The following LRMDA variants were observed in gnomAD, a reference collection of about 807,000 sequenced individuals.
LRMDA encodes leucine-rich melanocyte differentiation-associated protein.
LRMDA carries 18 observed loss-of-function variants against 29.8 expected under a neutral mutation model. That is an observed-to-expected ratio of 0.60 (90% CI 0.42 to 0.90). The LOEUF is 0.90. LRMDA is among the 40% of genes least tolerant of loss of function. The pLI, the probability that LRMDA is intolerant of heterozygous loss-of-function variation, is 0.00. For missense variants in LRMDA, 273 were observed against 273.9 expected (o/e 1.00, Z 0.02); for synonymous variants, 125 against 109.4 (o/e 1.14, Z -0.89).
At chr10:76,184,220 G>A (rs762608712) in intron 5 of LRMDA, among the ~76,000 whole-genome samples, 31 of 151,800 alleles carry the variant, frequency 2.0e-4, no homozygotes, top group Non-Finnish European at 4.3e-4. Flanking sequence ...TAGTAGAGAC[G>A]GGGTTTCACC....
chr10:75,928,732 CA>C (rs1846160642), intron 2 of LRMDA, among the ~76,000 whole-genome samples: 2 of 152,124 alleles, frequency 1.3e-5, no homozygotes, highest in African/African-American at 4.8e-5. Flanking sequence ...TTTCCTGACA[CA>C]AACCACTCAT....
At chr10:76,217,248 T>C (rs1342323580) in intron 5 of LRMDA, among the ~76,000 whole-genome samples, 1 of 152,174 alleles carries the variant, frequency 6.6e-6, no homozygotes, top group Non-Finnish European at 1.5e-5. Context: ...TCAACTGCAA[T>C]ATAGTGACAT....
intron 5 of LRMDA, among the ~76,000 whole-genome samples, chr10:76,237,743 C>A (rs1021843125): frequency 4.1e-5 from 6 of 147,470 alleles, no homozygotes; most frequent in African/African-American, 1.5e-4. Context: ...CCTGTGATTG[C>A]AACCTAAATT....
chr10:75,506,610 C>T (rs1013700516), intron 2 of LRMDA, among the ~76,000 whole-genome samples: 7 of 152,160 alleles, frequency 4.6e-5, no homozygotes, highest in African/African-American at 1.7e-4. Context: ...TCATGGTCCC[C>T]AATTGGGTTG....
intron 2 of LRMDA, among the ~76,000 whole-genome samples, chr10:75,829,997 C>T (rs1008021163): frequency 1.6e-4 from 24 of 152,208 alleles, no homozygotes; most frequent in African/African-American, 5.1e-4. Flanking sequence ...TCCACCTCCT[C>T]TCATCATAGA....
At chr10:76,406,625 A>C (rs1199110721) in intron 6 of LRMDA, among the ~76,000 whole-genome samples, 4 of 152,058 alleles carry the variant, frequency 2.6e-5, no homozygotes, top group Non-Finnish European at 4.4e-5. Flanking sequence ...CTGTCATGGG[A>C]GTAGAGTTGG....
intron 2 of LRMDA, among the ~76,000 whole-genome samples, chr10:75,448,619 G>A (rs1243797219): frequency 6.6e-6 from 1 of 152,204 alleles, no homozygotes; most frequent in Non-Finnish European, 1.5e-5. Context: ...AGTGGGTGAG[G>A]CCAGGGATGG....
chr10:75,539,742 G>A (rs544458446), intron 2 of LRMDA, among the ~76,000 whole-genome samples: 1 of 152,032 alleles, frequency 6.6e-6, no homozygotes, highest in East Asian at 1.9e-4. Context: ...ATAAATGGCT[G>A]TTTTTTTGTT....
chr10:75,842,238 A>G (rs1255991013), intron 2 of LRMDA, among the ~76,000 whole-genome samples: 1 of 152,224 alleles, frequency 6.6e-6, no homozygotes, highest in Non-Finnish European at 1.5e-5. Flanking sequence ...TTCAAATATG[A>G]GTGTCCATAA....
chr10:76,099,607 T>C (rs1316059577), intron 5 of LRMDA, among the ~76,000 whole-genome samples: 1 of 151,384 alleles, frequency 6.6e-6, no homozygotes, highest in Non-Finnish European at 1.5e-5. Context: ...TCAATTAAAA[T>C]ATATTTTCCA....
At chr10:76,142,406 T>C (rs1013308998) in intron 5 of LRMDA, among the ~76,000 whole-genome samples, 2 of 152,136 alleles carry the variant, frequency 1.3e-5, no homozygotes, top group Admixed American at 6.5e-5. Context: ...GTGTGTAATA[T>C]GCCATTTCAT....
chr10:75,989,274 T>G (rs1847317230), intron 2 of LRMDA, among the ~76,000 whole-genome samples: 1 of 152,206 alleles, frequency 6.6e-6, no homozygotes, highest in Non-Finnish European at 1.5e-5. Flanking sequence ...TAAAGAGGAT[T>G]AATGGTTCTG....
At chr10:75,901,409 T>C (rs916675628) in intron 2 of LRMDA, among the ~76,000 whole-genome samples, 5 of 152,212 alleles carry the variant, frequency 3.3e-5, no homozygotes, top group Admixed American at 3.3e-4. Context: ...GCTTGACTTA[T>C]TTCATTTATT....
At chr10:75,875,622 G>T (rs1189425712) in intron 2 of LRMDA, among the ~76,000 whole-genome samples, 3 of 152,128 alleles carry the variant, frequency 2.0e-5, no homozygotes, top group African/African-American at 4.8e-5. Context: ...AGTAGAGACG[G>T]GGTTTCACTA....
At chr10:75,828,681 A>G (rs1844286979) in intron 2 of LRMDA, among the ~76,000 whole-genome samples, 1 of 152,214 alleles carries the variant, frequency 6.6e-6, no homozygotes, top group Non-Finnish European at 1.5e-5. Context: ...ACACAGCAGT[A>G]ATCTCTGCAG....
At chr10:76,469,456 G>A (rs1842596922) in intron 6 of LRMDA, among the ~76,000 whole-genome samples, 1 of 152,016 alleles carries the variant, frequency 6.6e-6, no homozygotes, top group South Asian at 2.1e-4. Flanking sequence ...AGAATGATGG[G>A]GTGGAGGGTC....
At chr10:75,933,774 T>C (rs1846242397) in intron 2 of LRMDA, among the ~76,000 whole-genome samples, 1 of 152,104 alleles carries the variant, frequency 6.6e-6, no homozygotes, top group Non-Finnish European at 1.5e-5. Context: ...TATATTCTTG[T>C]TGGGGATATG....
intron 2 of LRMDA, among the ~76,000 whole-genome samples, chr10:75,625,856 AGAGT>A (rs1337535185): frequency 6.6e-6 from 1 of 151,266 alleles, no homozygotes; most frequent in Non-Finnish European, 1.5e-5. Flanking sequence ...TAAAGTGGAG[AGAGT>A]ATTTTTTTTT....
At chr10:75,730,152 A>G (rs1324727782) in intron 2 of LRMDA, among the ~76,000 whole-genome samples, 1 of 152,146 alleles carries the variant, frequency 6.6e-6, no homozygotes, top group African/African-American at 2.4e-5. Flanking sequence ...CCATTCTTTT[A>G]TAACACACCA....
Sources: allele counts gnomAD v4.1 joint callset (sites outside exome capture counted in the v4.1 genomes callset), GRCh38; gene constraint gnomAD v4.1.1; transcripts MANE v1.5; gene names NCBI Gene and HGNC (gene_info 2026-07-23, HGNC 2026-07-21).